Variants in AGBL1 observed in about 807,000 individuals in gnomAD.
The protein encoded by AGBL1 is AGBL carboxypeptidase 1.
Under a neutral mutation model 118.9 loss-of-function variants are expected in AGBL1, and 130 were observed. That is an observed-to-expected ratio of 1.09 (90% CI 0.95 to 1.26). AGBL1 has a LOEUF of 1.26. Ranked by LOEUF, AGBL1 falls within the 50% of genes most tolerant of loss-of-function variation. The probability of loss-of-function intolerance (pLI) is 0.00; values close to 1 mark genes in which losing one functional copy is unlikely to be tolerated. For synonymous variants in AGBL1, 555 were observed against 478.9 expected, an observed-to-expected ratio of 1.16 and a Z score of -2.08; for missense variants, 1,584 against 1,298.1, an observed-to-expected ratio of 1.22 and a Z score of -3.38.
intron 17 of AGBL1, among the ~76,000 whole-genome samples, chr15:86,325,776 G>A (rs915353438): frequency 1.3e-5 from 2 of 152,160 alleles, no homozygotes; most frequent in Non-Finnish European, 1.5e-5. Flanking sequence ...AATATAGGTT[G>A]CTATTTTTCC....
intron 18 of AGBL1, among the ~76,000 whole-genome samples, chr15:86,516,750 G>C (rs963294148): frequency 1.3e-5 from 2 of 150,272 alleles, no homozygotes. Flanking sequence ...GCAGTGAGCC[G>C]GGATGGTGCT....
At chr15:86,623,216 AG>A (rs1161664470) in intron 21 of AGBL1, among the ~76,000 whole-genome samples, 3 of 151,446 alleles carry the variant, frequency 2.0e-5, no homozygotes, top group Non-Finnish European at 2.9e-5. Flanking sequence ...CAGGACAGTC[AG>A]GGTGTGTAAG....
At chr15:86,667,214 CTATGTATGTATGTATGTATG>C (rs769766717) in intron 21 of AGBL1, among the ~76,000 whole-genome samples, 1 of 35,616 alleles carries the variant, frequency 2.8e-5, no homozygotes, top group Non-Finnish European at 1.3e-4. Flanking sequence ...ATGTATGTAT[CTATGTATGTATGTATGTATG>C]TATGTATGTA....
At chr15:86,306,385 A>G (rs898361207) in intron 17 of AGBL1, among the ~76,000 whole-genome samples, 1 of 151,988 alleles carries the variant, frequency 6.6e-6, no homozygotes, top group African/African-American at 2.4e-5. Context: ...CGATTTTTAG[A>G]TCCCACAATT....
chr15:86,764,254 A>T (rs1002032237), intron 22 of AGBL1, among the ~76,000 whole-genome samples: 1 of 152,064 alleles, frequency 6.6e-6, no homozygotes, highest in African/African-American at 2.4e-5. Flanking sequence ...AAGCAAGATA[A>T]TACATGTAGC....
At chr15:86,989,600 G>A (rs1243927799) in intron 24 of AGBL1, among the ~76,000 whole-genome samples, 1 of 152,082 alleles carries the variant, frequency 6.6e-6, no homozygotes, top group Admixed American at 6.6e-5. Context: ...TGGGTGTTCT[G>A]TTAGCATCTG....
chr15:86,305,060 T>G (rs565970813), intron 17 of AGBL1: 10 of 152,266 alleles, frequency 6.6e-5, no homozygotes, highest in Admixed American at 5.2e-4. Flanking sequence ...ACACAACCAA[T>G]GTTTCTCTTT....
At chr15:86,773,324 C>T (rs748577849) in intron 22 of AGBL1, among the ~76,000 whole-genome samples, 2 of 151,946 alleles carry the variant, frequency 1.3e-5, no homozygotes, top group Non-Finnish European at 2.9e-5. Flanking sequence ...CTGAACCAAG[C>T]CTCGAAGGAT....
At chr15:86,356,727 G>A (rs2080727179) in intron 17 of AGBL1, among the ~76,000 whole-genome samples, 1 of 152,182 alleles carries the variant, frequency 6.6e-6, no homozygotes, top group African/African-American at 2.4e-5. Flanking sequence ...CAAGAGTTAA[G>A]GCTGTCTTTA....
chr15:86,589,802 C>A (rs2084307004), intron 21 of AGBL1, among the ~76,000 whole-genome samples: 1 of 152,164 alleles, frequency 6.6e-6, no homozygotes, highest in Admixed American at 6.5e-5. Flanking sequence ...ATTTCTCTAT[C>A]TGTCCACACA....
At chr15:86,177,939 A>G (rs977716224) in intron 5 of AGBL1, among the ~76,000 whole-genome samples, 1 of 152,204 alleles carries the variant, frequency 6.6e-6, no homozygotes, top group African/African-American at 2.4e-5. Flanking sequence ...AAATCAGAAT[A>G]GAAATAAATA....
chr15:86,805,093 G>A (rs1376094726), intron 22 of AGBL1, among the ~76,000 whole-genome samples: 1 of 152,052 alleles, frequency 6.6e-6, no homozygotes, highest in East Asian at 1.9e-4. Context: ...TCTGGCCCCA[G>A]GAGATAATTG....
chr15:86,912,649 C>T lies in AGBL1; in HGVS notation c.*5355C>T, dbSNP rs571785477. On this transcript the variant is annotated 3_prime_UTR_variant, in exon 23 of 23. Coordinates refer to ENST00000614907, the MANE Select transcript of AGBL1 (RefSeq NM_001386094.1). ...CATTTATCAGCCTGGAAAATGGTGCCGTAGAGTCGATTTCATATGCTAAGG... is the reference window on the plus strand; with the variant it reads ...CATTTATCAGCCTGGAAAATGGTGCTGTAGAGTCGATTTCATATGCTAAGG... 1.6e-4 allele frequency: 25 copies of T among 152,212 alleles called. No individual in the cohort carries two copies. The highest frequency in any genetic ancestry group is 5.5e-4 in the African/African-American group (23 of 41,538). The allele number at this position is 152,212 out of a possible 1,614,324, so 9.4% of individuals were successfully genotyped here. A position where few individuals can be genotyped will look rare whatever the true frequency, so the allele number is the denominator to read the frequency against.
At chr15:86,363,142 G>A (rs1166718079) in intron 17 of AGBL1, among the ~76,000 whole-genome samples, 1 of 152,038 alleles carries the variant, frequency 6.6e-6, no homozygotes, top group African/African-American at 2.4e-5. Context: ...GGATCTCCTT[G>A]GTTATGAGCG....
intron 21 of AGBL1, among the ~76,000 whole-genome samples, chr15:86,608,601 A>G (rs574332131): frequency 6.6e-6 from 1 of 152,122 alleles, no homozygotes; most frequent in Non-Finnish European, 1.5e-5. Context: ...AGAGACCACT[A>G]TATACGACAT....
chr15:87,021,623 T>A (rs2081665758), intron 24 of AGBL1, among the ~76,000 whole-genome samples: 1 of 152,162 alleles, frequency 6.6e-6, no homozygotes. Context: ...ATCCAGAGTC[T>A]ATAAGGAACT....
intron 1 of AGBL1, among the ~76,000 whole-genome samples, chr15:86,092,905 T>A (rs970487080): frequency 6.6e-6 from 1 of 152,214 alleles, no homozygotes; most frequent in African/African-American, 2.4e-5. Flanking sequence ...CCTCATTGCC[T>A]AATTATCTCT....
intron 21 of AGBL1, among the ~76,000 whole-genome samples, chr15:86,585,768 C>A (rs2084238633): frequency 6.6e-6 from 1 of 152,208 alleles, no homozygotes; most frequent in African/African-American, 2.4e-5. Context: ...AAGGCTCTCT[C>A]TGTCATCACT....
At chr15:86,891,651 C>A (rs1353572216) in intron 22 of AGBL1, among the ~76,000 whole-genome samples, 1 of 151,690 alleles carries the variant, frequency 6.6e-6, no homozygotes, top group African/African-American at 2.4e-5. Flanking sequence ...AGCAACAGCA[C>A]CATCATTCAT....
Sources: gnomAD v4.1 joint callset for allele counts (sites outside exome capture counted in the v4.1 genomes callset) on GRCh38, gnomAD v4.1.1 for gene constraint, MANE v1.5 for transcripts, NCBI Gene and HGNC (gene_info 2026-07-23, HGNC 2026-07-21) for gene names.